MOV10: variants seen among roughly 807,000 people sequenced by gnomAD.
MOV10 encodes the protein Mov10 RNA helicase.
MOV10 carries 39 observed loss-of-function variants against 108.4 expected under a neutral mutation model. The observed-to-expected ratio is 0.36, with a 90% CI of 0.28 to 0.47. The LOEUF (loss-of-function observed/expected upper bound fraction) is 0.47, where lower values mean the gene tolerates loss of function less well. MOV10 is among the 20% of genes least tolerant of loss of function. The probability of loss-of-function intolerance (pLI) is 1.00; values close to 1 mark genes in which losing one functional copy is unlikely to be tolerated. For missense variants in MOV10, 952 were observed against 1,297.6 expected (o/e 0.73, Z 4.09); for synonymous variants, 490 against 523.1 (o/e 0.94, Z 0.86).
rs1448732986 is a variant in MOV10, at chr1:112,698,128, C to T, written c.2316+17C>T. On this transcript the variant is annotated intron_variant, in intron 15 of 20. Coordinates refer to ENST00000369645, the MANE Select transcript of MOV10 (RefSeq NM_001321324.2). ...CCTCGACAGGTGAGGCTGAGCAGGG[C>T]AGGCCCCACCCCTGTACCCTGACTT... The T allele has an allele frequency of 6.2e-7, 1 of 1,609,454 alleles. No homozygotes were observed. Among genetic ancestry groups the T allele is most frequent in the South Asian group, 1.1e-5 (1 of 90,994 alleles).
chr1:112,698,815 C>G, intron 17 of MOV10, 26 bp downstream of exon 17: 5 of 1,601,416 alleles, frequency 3.1e-6, no homozygotes, highest in Non-Finnish European at 4.3e-6. Context: ...ACAGTCACTC[C>G]CTGCCTTCCG....
At chr1:112,686,925 A>G (rs1434566380) in intron 2 of MOV10, 3 of 456,472 alleles carry the variant, frequency 6.6e-6, no homozygotes, top group South Asian at 3.1e-5. Context: ...TTAACTGGAC[A>G]ATTGCAAGGG....
At position 112,695,582 on chromosome 1, in the gene MOV10, G is replaced by A. The variant is rs1388629347; in HGVS notation, c.1779+8G>A. On this transcript the variant is annotated splice_region_variant and intron_variant, in intron 11 of 20. Coordinates refer to ENST00000369645, the MANE Select transcript of MOV10 (RefSeq NM_001321324.2). ...GTACCTGAGGACATCAAGGTACTAG[G>A]GAAGTGCAGAGGGCCAAAGAATGGC... is the stretch of plus-strand genomic sequence containing the variant. 1.2e-6 allele frequency: 2 copies of A among 1,612,848 alleles called. No individual in the cohort carries two copies. The highest frequency in any genetic ancestry group is 1.7e-5 in the Admixed American group (1 of 59,912).
chr1:112,680,795 C>G (rs1288109920), intron 2 of MOV10, among the ~76,000 whole-genome samples: 2 of 145,556 alleles, frequency 1.4e-5, no homozygotes, highest in African/African-American at 5.1e-5. Flanking sequence ...CTCCACCTCT[C>G]GGGTTCAAGC....
At chr1:112,680,436 C>A (rs1672530847) in intron 2 of MOV10, among the ~76,000 whole-genome samples, 1 of 151,822 alleles carries the variant, frequency 6.6e-6, no homozygotes, top group Admixed American at 6.6e-5. Flanking sequence ...GTGGGCGGAT[C>A]ACGAGGTCAG....
chr1:112,688,508 C>T (rs1673273595), intron 2 of MOV10: 2 of 1,077,488 alleles, frequency 1.9e-6, no homozygotes, highest in African/African-American at 1.6e-5. Flanking sequence ...ACCCCACATC[C>T]ACCCCTCTGA....
At chr1:112,695,958 C>T (rs552644464) in intron 11 of MOV10, among the ~76,000 whole-genome samples, 190 bp from the exon 12 acceptor site, 18 of 152,296 alleles carry the variant, frequency 1.2e-4, no homozygotes, top group African/African-American at 4.1e-4. Flanking sequence ...ACGAGAATTG[C>T]TTGAACCCAG....
chr1:112,680,763 C>A (rs896419102), intron 2 of MOV10, among the ~76,000 whole-genome samples: 1 of 134,788 alleles, frequency 7.4e-6, no homozygotes, highest in African/African-American at 2.7e-5. Context: ...AGTGCAGTGG[C>A]ACGATCTCAG....
chr1:112,688,367 T>C, intron 2 of MOV10: 2 of 990,404 alleles, frequency 2.0e-6, no homozygotes, highest in Non-Finnish European at 2.4e-6. Context: ...GAAGGATCCT[T>C]TCCCTTCCTG....
intron 5 of MOV10, among the ~76,000 whole-genome samples, chr1:112,690,546 C>T (rs922757249): frequency 5.9e-5 from 9 of 151,958 alleles, no homozygotes; most frequent in South Asian, 2.1e-4. Context: ...TTTTAGTAGA[C>T]ATGGGGTTTC....
chr1:112,689,817 T>C (rs774989722), intron 4 of MOV10, 23 bp from the exon 5 acceptor site: 12 of 1,609,864 alleles, frequency 7.5e-6, no homozygotes, highest in Non-Finnish European at 9.3e-6. Context: ...CCTACCCCCA[T>C]TCACTCATCC....
chr1:112,700,521 A>G lies in MOV10; in HGVS notation c.*14A>G. Reference sequence around the variant, plus strand: ...AATGAGCTCTGAAGACACAGCACCCAGCCTTCTCGCACCAGCCAAGCCTTA... The same window carrying G: ...AATGAGCTCTGAAGACACAGCACCCGGCCTTCTCGCACCAGCCAAGCCTTA... On this transcript the variant is annotated 3_prime_UTR_variant, in exon 21 of 21. Coordinates refer to ENST00000369645, the MANE Select transcript of MOV10 (RefSeq NM_001321324.2). 2 of 1,611,652 alleles carry G rather than the reference A, an allele frequency of 1.2e-6. No individual in the cohort carries two copies. Among genetic ancestry groups the G allele is most frequent in the Non-Finnish European group, 1.7e-6 (2 of 1,178,638 alleles).
At chr1:112,686,772 T>C (rs1236079123) in intron 2 of MOV10, among the ~76,000 whole-genome samples, 1 of 152,226 alleles carries the variant, frequency 6.6e-6, no homozygotes, top group Non-Finnish European at 1.5e-5. Context: ...TTGGGGATCC[T>C]AGACTCATCC....
At chr1:112,692,207 C>T (rs1308464526) in intron 6 of MOV10, among the ~76,000 whole-genome samples, 1 of 152,148 alleles carries the variant, frequency 6.6e-6, no homozygotes, top group Non-Finnish European at 1.5e-5. Context: ...TGGCACATGT[C>T]TGTAGTCCCA....
At position 112,699,917 on chromosome 1, in the gene MOV10, G is replaced by C. The variant is rs751845178; in HGVS notation, c.2733G>C (p.Arg911=). Residue 911 remains arginine (R), a synonymous_variant, in exon 19 of 21, where the codon CGG becomes CGC. Coordinates refer to ENST00000369645, the MANE Select transcript of MOV10 (RefSeq NM_001321324.2). ...AGAGGTTCAATGTAGCTGTGACCCG[G>C]GCCAAGGCCCTGCTCATCATCGTGG... The part of the protein sequence containing the change: ...NPKRFNVAVT[R]AKALLIIVGN... The C allele has an allele frequency of 5.0e-6, 8 of 1,614,154 alleles. No individual in the cohort carries two copies. In the South Asian group the frequency reaches 8.8e-5, roughly 18 times the overall value.
intron 2 of MOV10, among the ~76,000 whole-genome samples, chr1:112,677,082 T>C (rs1672253026): frequency 6.6e-6 from 1 of 152,088 alleles, no homozygotes; most frequent in African/African-American, 2.4e-5. Context: ...CTGTAATCAT[T>C]AGGGGATGTG....
At position 112,675,249 on chromosome 1, in the gene MOV10, T is replaced by G. The variant is rs1672093868; in HGVS notation, c.137+200T>G. Reference sequence around the variant, plus strand: ...AGCGCCGCCCGGAGCCCGCCAGTTCTGCCCGAGCTGGGCCCCTGCGCCAAG... The same window carrying G: ...AGCGCCGCCCGGAGCCCGCCAGTTCGGCCCGAGCTGGGCCCCTGCGCCAAG... On this transcript the variant is annotated intron_variant, in intron 2 of 20. Transcript: ENST00000369645. This position sits in a 1 kb window ranked among gnomAD's most constrained non-coding sequence, Gnocchi z 4.7. 1.3e-5 allele frequency among the ~76,000 whole-genome samples: 2 copies of G among 151,990 alleles called. No individual in the cohort carries two copies. The highest frequency in any genetic ancestry group is 4.1e-4 in the South Asian group (2 of 4,824).
At chr1:112,674,486 TGCTTTTCACTGAGTCCCGAG>T (rs1672018629), upstream of MOV10, 1 of 153,826 alleles carries the variant, frequency 6.5e-6, no homozygotes, top group African/African-American at 2.4e-5. Context: ...TTTGCTCTCC[TGCTTTTCACTGAGTCCCGAG>T]GCTCTGGAGG....
intron 2 of MOV10, chr1:112,686,865 CTCT>C (rs1371309152): frequency 1.8e-5 from 8 of 449,536 alleles, no homozygotes; most frequent in Admixed American, 2.4e-5. Context: ...AATCTTGCCG[CTCT>C]TCTTCTGTAT....
Sources: gnomAD v4.1 joint callset for allele counts (sites outside exome capture counted in the v4.1 genomes callset) on GRCh38, gnomAD v4.1.1 for gene constraint, Gnocchi (gnomAD v3.1) non-coding constraint, MANE v1.5 for transcripts, NCBI Gene and HGNC (gene_info 2026-07-23, HGNC 2026-07-21) for gene names.